MRPL37: variants seen among roughly 807,000 people sequenced by gnomAD.
MRPL37 encodes large ribosomal subunit protein mL37.
In MRPL37, 34 loss-of-function variants were observed where a neutral mutation model predicts 44.1. The observed-to-expected ratio is 0.77, with a 90% CI of 0.59 to 1.03. MRPL37 has a LOEUF of 1.03. Among genes scored for constraint, MRPL37 ranks in the 50% least tolerant of loss-of-function variants. The probability of loss-of-function intolerance (pLI) is 0.00; values close to 1 mark genes in which losing one functional copy is unlikely to be tolerated. For synonymous variants in MRPL37, 212 were observed against 219.5 expected (o/e 0.97, Z 0.30); for missense variants, 532 against 543.7 (o/e 0.98, Z 0.21).
chr1:54,221,267 G>A (rs776866868), downstream of MRPL37, among the ~76,000 whole-genome samples: 1 of 152,196 alleles, frequency 6.6e-6, no homozygotes, highest in African/African-American at 2.4e-5. Context: ...CAGAGGCTCT[G>A]TGACAACCCA....
chr1:54,210,105 A>G lies in MRPL37; in HGVS notation c.806A>G (p.Asn269Ser), dbSNP rs758355760. 8 of 1,613,958 alleles carry G rather than the reference A, an allele frequency of 5.0e-6. No individual in the cohort carries two copies. In the South Asian group the frequency reaches 6.6e-5, roughly 13 times the overall value. The change falls in exon 4 of 7, where the codon AAT (asparagine) becomes AGT (serine). Residue 269 changes from asparagine (N) to serine (S), a missense_variant. Coordinates refer to ENST00000360840, the MANE Select transcript of MRPL37 (RefSeq NM_016491.4). ...ISPIIDLHEC[N>S]IYDVKNDTGF... ...CCCATCATCGATCTTCATGAATGCA[A>G]TATTTATGATGTGAAAAATGACACA...
At chr1:54,205,755 GTCT>G (rs949050345) in intron 3 of MRPL37, among the ~76,000 whole-genome samples, 4 of 152,156 alleles carry the variant, frequency 2.6e-5, no homozygotes, top group Non-Finnish European at 5.9e-5. Context: ...TATTGCAATA[GTCT>G]TCTTACCTCA....
In MRPL37 at chr1:54,205,282, T is replaced by G; in HGVS notation, c.531-13T>G. 6.2e-7 allele frequency: 1 copy of G among 1,611,354 alleles called. No individual in the cohort carries two copies. Among genetic ancestry groups the G allele is most frequent in the Non-Finnish European group, 8.5e-7 (1 of 1,177,904 alleles). ...TTGCTTTAAGTCCCCAAATGTCTCT[T>G]TTTGTCTTCAAGCCCGGTCATCGTG... is the stretch of plus-strand genomic sequence containing the variant. On this transcript the variant is annotated splice_polypyrimidine_tract_variant and intron_variant, in intron 2 of 6. Coordinates refer to ENST00000360840, the MANE Select transcript of MRPL37 (RefSeq NM_016491.4).
In MRPL37 at chr1:54,210,088, C is replaced by T. The variant is rs553720681; in HGVS notation, c.789C>T (p.Ile263=). The change falls in exon 4 of 7, where the codon ATC becomes ATT. Residue 263 remains isoleucine, a synonymous_variant. Transcript: ENST00000360840. Reference sequence around the variant, plus strand: ...CCTTCTACCCCATATCACCCATCATCGATCTTCATGAATGCAATATTTATG... The same window carrying T: ...CCTTCTACCCCATATCACCCATCATTGATCTTCATGAATGCAATATTTATG... ...LETFYPISPI[I]DLHECNIYDV... is the part of the protein sequence containing the mutation. 52 of 1,614,094 alleles carry T rather than the reference C, an allele frequency of 3.2e-5. 1 individual carries two copies. The South Asian group carries it at 4.5e-4, about 14-fold the overall frequency.
At chr1:54,215,290 C>T (rs1644189667) in intron 5 of MRPL37, among the ~76,000 whole-genome samples, 1 of 152,216 alleles carries the variant, frequency 6.6e-6, no homozygotes, top group Non-Finnish European at 1.5e-5. Flanking sequence ...TACCACCTCT[C>T]TGAACCTCAG....
chr1:54,200,649 C>T, intron 1 of MRPL37, 60 bp downstream of exon 1: 3 of 1,502,728 alleles, frequency 2.0e-6, no homozygotes, highest in African/African-American at 1.4e-5. Context: ...CGACCCCGAC[C>T]CTCTGTGGCT....
At chr1:54,213,264 C>T (rs1192603809) in intron 5 of MRPL37, among the ~76,000 whole-genome samples, 2 of 152,200 alleles carry the variant, frequency 1.3e-5, no homozygotes, top group Non-Finnish European at 2.9e-5. Context: ...GCTCTGGGAG[C>T]AAAGGCCTCC....
At chr1:54,213,658 C>A (rs990986534) in intron 5 of MRPL37, among the ~76,000 whole-genome samples, 2 of 152,234 alleles carry the variant, frequency 1.3e-5, no homozygotes, top group African/African-American at 4.8e-5. Flanking sequence ...CTCAGACCTA[C>A]CCCAGACCTG....
chr1:54,210,008 C>T lies in MRPL37; in HGVS notation c.709C>T (p.Pro237Ser), dbSNP rs1368563251. The T allele has an allele frequency of 1.9e-6, 3 of 1,614,216 alleles. No individual in the cohort carries two copies. The highest frequency in any genetic ancestry group is 2.5e-6 in the Non-Finnish European group (3 of 1,180,044). Residue 237 changes from proline (P) to serine (S), a missense_variant, in exon 4 of 7, where the codon CCC becomes TCC. Transcript: ENST00000360840. ...CCGACTGAGCACTAAGGATCCTCTGCCCACCATCGCCTCCAGAGAGGAGAT... is the reference window on the plus strand; with the variant it reads ...CCGACTGAGCACTAAGGATCCTCTGTCCACCATCGCCTCCAGAGAGGAGAT... ...GARLSTKDPL[P>S]TIASREEIEA...
intron 4 of MRPL37, among the ~76,000 whole-genome samples, chr1:54,212,260 A>T (rs767132437): frequency 6.6e-6 from 1 of 152,210 alleles, no homozygotes; most frequent in Admixed American, 6.5e-5. Context: ...CCCAATAGTC[A>T]TACGTAAATG....
At chr1:54,223,984 C>T (rs1391454925), downstream of MRPL37, among the ~76,000 whole-genome samples, 3 of 152,312 alleles carry the variant, frequency 2.0e-5, no homozygotes, top group South Asian at 4.1e-4. Flanking sequence ...TGCCGAGGGG[C>T]CCCAGGCTGA....
rs1194396336 is a variant in MRPL37 at position 54,218,204 on chromosome 1, G to A, written c.1227G>A (p.Glu409=). 2.5e-6 allele frequency: 4 copies of A among 1,614,224 alleles called. No homozygotes were observed. Among genetic ancestry groups the A allele is most frequent in the Middle Eastern group, 1.6e-4 (1 of 6,062 alleles). The change falls in exon 7 of 7, where the codon GAG becomes GAA. Residue 409 remains glutamate (E), a synonymous_variant. Coordinates refer to ENST00000360840, the MANE Select transcript of MRPL37 (RefSeq NM_016491.4). ...TTGGCCCAGTTGGTTTCAAGCCAGAGACATTCAGAAAGTTTTTAGCTCTAT... is the reference window on the plus strand; with the variant it reads ...TTGGCCCAGTTGGTTTCAAGCCAGAAACATTCAGAAAGTTTTTAGCTCTAT... The part of the protein sequence containing the change: ...EPVGPVGFKP[E]TFRKFLALYL...
At chr1:54,206,490 A>G (rs1644123501) in intron 3 of MRPL37, among the ~76,000 whole-genome samples, 1 of 151,708 alleles carries the variant, frequency 6.6e-6, no homozygotes, top group South Asian at 2.1e-4. Context: ...GCTCACTGCA[A>G]CCTCTGCCTC....
downstream of MRPL37, among the ~76,000 whole-genome samples, chr1:54,224,053 C>T (rs1278589529): frequency 6.6e-6 from 1 of 152,222 alleles, no homozygotes; most frequent in Non-Finnish European, 1.5e-5. Context: ...ACCTGCCTTC[C>T]TCCAGCTAGG....
intron 5 of MRPL37, 126 bp from the exon 6 acceptor site, chr1:54,216,015 A>C: frequency 5.0e-6 from 5 of 992,022 alleles, no homozygotes; most frequent in Non-Finnish European, 7.7e-6. Context: ...TAATTGTCCC[A>C]AAGAGAAGCC....
chr1:54,214,422 C>T (rs1301762118), intron 5 of MRPL37, among the ~76,000 whole-genome samples: 1 of 152,172 alleles, frequency 6.6e-6, no homozygotes, highest in Non-Finnish European at 1.5e-5. Context: ...GGACAATTGT[C>T]TTTATTCCCA....
chr1:54,205,055 A>G lies in MRPL37; in HGVS notation c.384A>G (p.Leu128=), dbSNP rs374436849. The change falls in exon 2 of 7, where the codon TTA becomes TTG. Residue 128 remains leucine (L), a synonymous_variant. Coordinates refer to ENST00000360840, the MANE Select transcript of MRPL37 (RefSeq NM_016491.4). ...CCCTCTGGCTCACCAAGACCAAGTT[A>G]ATAGAAGGCCTTCCCGAGAAAGTGC... ...KQALWLTKTK[L]IEGLPEKVLS... is the part of the protein sequence containing the mutation. 6.1e-5 allele frequency: 99 copies of G among 1,614,098 alleles called. No individual in the cohort carries two copies. Among genetic ancestry groups the G allele is most frequent in the Non-Finnish European group, 8.1e-5 (96 of 1,180,054 alleles).
chr1:54,208,570 G>A (rs368417405), intron 3 of MRPL37, among the ~76,000 whole-genome samples: 165 of 51,958 alleles, frequency 3.2e-3, no homozygotes, highest in East Asian at 0.012. Flanking sequence ...AAAAAAAAAA[G>A]AATCTCCTCT....
intron 5 of MRPL37, among the ~76,000 whole-genome samples, chr1:54,215,921 G>A (rs1029651929): frequency 6.6e-6 from 1 of 152,158 alleles, no homozygotes; most frequent in Non-Finnish European, 1.5e-5. Context: ...TAGAAGAGCA[G>A]GCACCCTGGG....
Sources: allele counts gnomAD v4.1 joint callset (sites outside exome capture counted in the v4.1 genomes callset), GRCh38; gene constraint gnomAD v4.1.1; transcripts MANE v1.5; gene names NCBI Gene and HGNC (gene_info 2026-07-23, HGNC 2026-07-21).